Variants in LY86 observed in about 807,000 individuals in gnomAD.
LY86 encodes the protein MD-1, RP105-associated.
In LY86, 20 loss-of-function variants were observed where a neutral mutation model predicts 17.3. That is an observed-to-expected ratio of 1.15 (90% CI 0.81 to 1.68). The LOEUF is 1.68. Ranked by LOEUF, LY86 falls within the 40% of genes most tolerant of loss-of-function variation. LY86 has a pLI of 0.00. For missense variants in LY86, 200 were observed against 191.9 expected (o/e 1.04, Z -0.25); for synonymous variants, 74 against 70.6 (o/e 1.05, Z -0.24).
intron 1 of LY86, among the ~76,000 whole-genome samples, chr6:6,594,397 A>G (rs964008700): frequency 6.6e-6 from 1 of 152,144 alleles, no homozygotes; most frequent in Non-Finnish European, 1.5e-5. Context: ...CTGTGTCCAT[A>G]AATACAGTTT....
intron 1 of LY86, among the ~76,000 whole-genome samples, chr6:6,612,152 T>G (rs1225112478): frequency 1.3e-5 from 2 of 150,320 alleles, no homozygotes; most frequent in South Asian, 2.1e-4. Context: ...TTGATAGATG[T>G]GTCCACAATT....
At chr6:6,646,877 T>C (rs76731107) in intron 3 of LY86, among the ~76,000 whole-genome samples, 2,862 of 152,236 alleles carry the variant, frequency 0.019, 181 homozygotes, top group East Asian at 0.11. Flanking sequence ...AAAATATACA[T>C]CTGGGCTAAC....
At chr6:6,649,763 C>A in intron 4 of LY86, 86 bp downstream of exon 4, 3 of 830,502 alleles carry the variant, frequency 3.6e-6, no homozygotes, top group Non-Finnish European at 6.0e-6. Context: ...GAGGAGAAAC[C>A]AAGAAAGAAG....
chr6:6,598,491 G>A (rs1421330838), intron 1 of LY86, among the ~76,000 whole-genome samples: 1 of 152,210 alleles, frequency 6.6e-6, no homozygotes, highest in Admixed American at 6.5e-5. Context: ...ATCATCTGAG[G>A]ATGCAGGTTT....
At chr6:6,612,329 C>A (rs1419929037) in intron 1 of LY86, among the ~76,000 whole-genome samples, 2 of 152,190 alleles carry the variant, frequency 1.3e-5, no homozygotes, top group African/African-American at 2.4e-5. Context: ...AAACTGCAGA[C>A]CCTCGCAGTA....
chr6:6,598,412 A>G (rs999139310), intron 1 of LY86, among the ~76,000 whole-genome samples: 1 of 152,194 alleles, frequency 6.6e-6, no homozygotes, highest in African/African-American at 2.4e-5. Context: ...AGATTACAGT[A>G]ATATTTATCT....
chr6:6,626,303 C>G lies in LY86; in HGVS notation c.234C>G (p.Ile78Met). 1 of 1,613,856 alleles carries G rather than the reference C, an allele frequency of 6.2e-7. No homozygotes were observed. The highest frequency in any genetic ancestry group is 1.1e-5 in the South Asian group (1 of 91,074). Residue 78 changes from isoleucine (I) to methionine (M), a missense_variant, in exon 3 of 5, where the codon ATC (isoleucine) becomes ATG (methionine). Ile to Met is a conservative substitution (Grantham distance 10, BLOSUM62 1). Transcript: ENST00000230568. ...TTCTCTTTCCTCCAGGAGAGGACAT[C>G]AAAGAGCTTTTTCTTGACCTAGCTC... ...IRFGIILRED[I>M]KELFLDLALM...
chr6:6,628,961 A>G (rs1455567124), intron 3 of LY86, among the ~76,000 whole-genome samples: 1 of 152,262 alleles, frequency 6.6e-6, no homozygotes, highest in Non-Finnish European at 1.5e-5. Flanking sequence ...CTTCAAGTAT[A>G]AGAAAACCTT....
intron 1 of LY86, among the ~76,000 whole-genome samples, chr6:6,613,211 T>A (rs1031640906): frequency 8.7e-5 from 13 of 148,678 alleles, no homozygotes; most frequent in Non-Finnish European, 1.8e-4. Context: ...CCAGCTGGCT[T>A]CACCCAGTGG....
At chr6:6,614,617 C>T (rs1363143894) in intron 1 of LY86, among the ~76,000 whole-genome samples, 1 of 152,132 alleles carries the variant, frequency 6.6e-6, no homozygotes, top group East Asian at 1.9e-4. Context: ...CTCATGCTCC[C>T]CATCCTCCGC....
At chr6:6,600,992 T>C (rs1192980436) in intron 1 of LY86, among the ~76,000 whole-genome samples, 2 of 152,180 alleles carry the variant, frequency 1.3e-5, no homozygotes, top group South Asian at 2.1e-4. Flanking sequence ...GCAATTCATG[T>C]GTAAATAAGT....
intron 3 of LY86, among the ~76,000 whole-genome samples, chr6:6,634,904 T>C (rs936074887): frequency 1.8e-4 from 28 of 152,206 alleles, no homozygotes; most frequent in Non-Finnish European, 1.5e-4. Context: ...ACAAATGCTT[T>C]CTGCAAAATG....
chr6:6,607,968 T>G (rs1173795568), intron 1 of LY86, among the ~76,000 whole-genome samples: 1 of 152,204 alleles, frequency 6.6e-6, no homozygotes, highest in Non-Finnish European at 1.5e-5. Flanking sequence ...TAACCTGATC[T>G]TACAAAACAA....
intron 1 of LY86, among the ~76,000 whole-genome samples, chr6:6,622,101 A>G (rs1302295603): frequency 6.6e-6 from 1 of 152,226 alleles, no homozygotes; most frequent in Non-Finnish European, 1.5e-5. Context: ...CTTTTTAAGC[A>G]ATCTGTCTTT....
At chr6:6,603,873 A>G (rs1309273659) in intron 1 of LY86, among the ~76,000 whole-genome samples, 1 of 152,086 alleles carries the variant, frequency 6.6e-6, no homozygotes, top group Non-Finnish European at 1.5e-5. Flanking sequence ...TAAAAGAAAC[A>G]GAAAAAAGCA....
chr6:6,620,991 G>A (rs1761660042), intron 1 of LY86: 1 of 152,358 alleles, frequency 6.6e-6, no homozygotes, highest in Non-Finnish European at 1.5e-5. Flanking sequence ...CATGCCCGGG[G>A]GAGAGGGGAG....
intron 3 of LY86, among the ~76,000 whole-genome samples, chr6:6,636,520 A>G (rs1041916276): frequency 9.9e-5 from 15 of 152,230 alleles, no homozygotes; most frequent in Admixed American, 9.1e-4. Context: ...GCATTTTAAC[A>G]AGGCCCATGA....
chr6:6,610,500 T>C (rs558572849), intron 1 of LY86, among the ~76,000 whole-genome samples: 1 of 152,060 alleles, frequency 6.6e-6, no homozygotes, highest in African/African-American at 2.4e-5. Context: ...AAGCTTAAAA[T>C]AGTGCTCAGT....
intron 1 of LY86, among the ~76,000 whole-genome samples, chr6:6,602,914 G>C (rs975403357): frequency 8.5e-5 from 13 of 152,102 alleles, no homozygotes. Context: ...ATTAATACTG[G>C]TGTCTTAGTT....
Sources: gnomAD v4.1 joint callset for allele counts (sites outside exome capture counted in the v4.1 genomes callset) on GRCh38, gnomAD v4.1.1 for gene constraint, MANE v1.5 for transcripts, NCBI Gene and HGNC (gene_info 2026-07-23, HGNC 2026-07-21) for gene names.